UNC13B: variants seen among roughly 807,000 people sequenced by gnomAD.
UNC13B encodes unc-13 homolog B.
In UNC13B, 144 loss-of-function variants were observed where a neutral mutation model predicts 211.0. The observed-to-expected ratio is 0.68, with a 90% CI of 0.60 to 0.78. The LOEUF (loss-of-function observed/expected upper bound fraction) is 0.78, where lower values mean the gene tolerates loss of function less well. Among genes scored for constraint, UNC13B ranks in the 30% least tolerant of loss-of-function variants. The probability of loss-of-function intolerance (pLI) is 0.00; values close to 1 mark genes in which losing one functional copy is unlikely to be tolerated. For missense variants in UNC13B, 1,777 were observed against 2,002.0 expected (o/e 0.89, Z 2.14); for synonymous variants, 709 against 725.8 (o/e 0.98, Z 0.37).
chr9:35,241,596 C>CACACA (rs777824853), intron 5 of UNC13B, among the ~76,000 whole-genome samples: 1 of 136,104 alleles, frequency 7.3e-6, no homozygotes, highest in Admixed American at 7.3e-5. Flanking sequence ...CACACACACA[C>CACACA]CACCATCTTC....
At chr9:35,184,537 G>A (rs1373654771) in intron 1 of UNC13B, among the ~76,000 whole-genome samples, 16 of 152,104 alleles carry the variant, frequency 1.1e-4, no homozygotes, top group Middle Eastern at 3.2e-3. Flanking sequence ...GCGAAACCCC[G>A]TCTCCTCCAA....
chr9:35,352,463 A>T (rs1832775938), intron 11 of UNC13B: 1 of 1,232,124 alleles, frequency 8.1e-7, no homozygotes, highest in South Asian at 4.1e-5. Context: ...GGGTAATAAG[A>T]ATCCCCAGAA....
intron 10 of UNC13B, among the ~76,000 whole-genome samples, chr9:35,311,757 G>C (rs1830189885): frequency 1.3e-5 from 2 of 152,280 alleles, no homozygotes; most frequent in South Asian, 4.1e-4. Flanking sequence ...AGAAAGAATT[G>C]ATCTAGAAGT....
Position 35,297,212 on chromosome 9 carries a change from C to T in UNC13B, c.761+1282C>T, listed in dbSNP as rs553358420. On this transcript the variant is annotated intron_variant, in intron 8 of 39. Transcript: ENST00000635942. The stretch of plus-strand genomic sequence containing the variant: ...CAAGTGATTCTCGTGCCTCAGCCTC[C>T]GGAGTAGCTGAGACTACAGGTGCAC... 1.2e-3 allele frequency among the ~76,000 whole-genome samples: 184 copies of T among 151,654 alleles called. 1 individual carries two copies. Among genetic ancestry groups the T allele is most frequent in the African/African-American group, 3.4e-3 (142 of 41,318 alleles).
At chr9:35,178,134 A>G (rs1028719661) in intron 1 of UNC13B, among the ~76,000 whole-genome samples, 6 of 152,208 alleles carry the variant, frequency 3.9e-5, no homozygotes, top group Non-Finnish European at 7.3e-5. Flanking sequence ...TATACTCAGC[A>G]TCATCATTAT....
chr9:35,234,854 C>G (rs1825405826), intron 3 of UNC13B, among the ~76,000 whole-genome samples: 1 of 152,182 alleles, frequency 6.6e-6, no homozygotes, highest in African/African-American at 2.4e-5. Context: ...ACTTGTGAAT[C>G]TGAGAACATT....
rs1443284844 is a variant in UNC13B at position 35,382,484 on chromosome 9, C to T, written c.10783C>T (p.Arg3595Cys). 14 of 1,613,538 alleles carry T rather than the reference C, an allele frequency of 8.7e-6. No homozygotes were observed. The highest frequency in any genetic ancestry group is 8.3e-5 in the Admixed American group (5 of 59,900). Residue 3595 changes from arginine to cysteine, a missense_variant, in exon 21 of 40, where the codon CGC (arginine) becomes TGC (cysteine). By Grantham distance (180) the Arg-to-Cys change is radical (BLOSUM62 -3). Coordinates refer to ENST00000635942, the MANE Select transcript of UNC13B (RefSeq NM_001371189.2). ...CTCTACCAATGTCTCTGCATCTGAT[C>T]GCTTTGCAGCCTCCAACTTTGGGGT... ...TASTNVSASD[R>C]FAASNFGKER...
chr9:35,204,303 T>C (rs1823512891), intron 1 of UNC13B, among the ~76,000 whole-genome samples: 1 of 152,166 alleles, frequency 6.6e-6, no homozygotes, highest in Non-Finnish European at 1.5e-5. Flanking sequence ...ATGGAGAACC[T>C]CTACTAGTGC....
At chr9:35,399,599 C>A in intron 35 of UNC13B, 50 bp from the exon 36 acceptor site, 1 of 1,609,422 alleles carries the variant, frequency 6.2e-7, no homozygotes, top group Non-Finnish European at 8.5e-7. Flanking sequence ...GGGTGCAAGA[C>A]TTTCATGACT....
chr9:35,363,698 T>C (rs1833581218), intron 11 of UNC13B, among the ~76,000 whole-genome samples: 1 of 152,202 alleles, frequency 6.6e-6, no homozygotes, highest in Admixed American at 6.5e-5. Context: ...GAAGGAAGCC[T>C]GTGGGCCTAT....
At chr9:35,269,224 A>G (rs1281976473) in intron 7 of UNC13B, among the ~76,000 whole-genome samples, 2 of 152,206 alleles carry the variant, frequency 1.3e-5, no homozygotes, top group Non-Finnish European at 2.9e-5. Flanking sequence ...CTCAGGTTCA[A>G]TAATTTGCTA....
At chr9:35,214,925 C>T (rs191671755) in intron 1 of UNC13B, among the ~76,000 whole-genome samples, 69 of 152,178 alleles carry the variant, frequency 4.5e-4, no homozygotes, top group Non-Finnish European at 8.7e-4. Context: ...TTTCTTTCTC[C>T]ACTGCTGTAT....
chr9:35,213,773 C>G (rs1220501672), intron 1 of UNC13B, among the ~76,000 whole-genome samples: 1 of 152,072 alleles, frequency 6.6e-6, no homozygotes, highest in Non-Finnish European at 1.5e-5. Flanking sequence ...GTATTCATAA[C>G]CAGAGGCTTG....
intron 1 of UNC13B, among the ~76,000 whole-genome samples, chr9:35,194,491 G>A (rs1822832309): frequency 6.6e-6 from 1 of 152,160 alleles, no homozygotes; most frequent in Non-Finnish European, 1.5e-5. Context: ...TCCATGAAAG[G>A]AAGCTGGTTC....
At chr9:35,345,816 T>C (rs1044583077) in intron 11 of UNC13B, among the ~76,000 whole-genome samples, 10 of 152,176 alleles carry the variant, frequency 6.6e-5, no homozygotes, top group African/African-American at 2.2e-4. Flanking sequence ...TATGAGGTAT[T>C]GATATGCCCT....
Position 35,306,395 on chromosome 9 carries a change from A to G in UNC13B, c.6991A>G (p.Ile2331Val), listed in dbSNP as rs938786292. The change falls in exon 9 of 40, where the codon ATT becomes GTT. Residue 2331 changes from isoleucine (I) to valine (V), a missense_variant. Transcript: ENST00000635942. The stretch of plus-strand genomic sequence containing the variant: ...CCAGATGAATGAATTGCAAAAAGAC[A>G]TTATTCCTCCTTCACCAGAATTTCA... ...DFQMNELQKD[I>V]IPPSPEFQAQ... The G allele has an allele frequency of 2.5e-6, 1 of 398,890 alleles. No individual in the cohort carries two copies. Among genetic ancestry groups the G allele is most frequent in the African/African-American group, 2.1e-5 (1 of 48,626 alleles). 24.7% of individuals were successfully genotyped at this position (398,890 alleles called of 1,614,324 possible). A position where few individuals can be genotyped will look rare whatever the true frequency, so the allele number is the denominator to read the frequency against.
chr9:35,382,562 AT>A (rs199694785), intron 21 of UNC13B, 55 bp downstream of exon 21: 242,971 of 1,257,824 alleles, frequency 0.19, 113 homozygotes, highest in Middle Eastern at 0.24. Flanking sequence ...ATAAAGTTTG[AT>A]TTTTTTTTTT....
At chr9:35,393,644 T>A (rs977626830) in intron 26 of UNC13B, among the ~76,000 whole-genome samples, 1 of 149,434 alleles carries the variant, frequency 6.7e-6, no homozygotes, top group Non-Finnish European at 1.5e-5. Context: ...TGATTTTGGC[T>A]CACTGCAACC....
rs185813985 is a variant in UNC13B at position 35,240,241 on chromosome 9, G to A, written c.394+2415G>A. On this transcript the variant is annotated intron_variant, in intron 5 of 39. Transcript: ENST00000635942. ...CTCTGTTCAGGGTCCCTGACTTCCC[G>A]CAACAGTATCTTGTTTTAGTTTAGT... 9.2e-5 allele frequency among the ~76,000 whole-genome samples: 14 copies of A among 152,164 alleles called. 1 individual carries two copies. The East Asian group carries it at 1.4e-3, about 15-fold the overall frequency.
Sources: allele counts gnomAD v4.1 joint callset (sites outside exome capture counted in the v4.1 genomes callset), GRCh38; gene constraint gnomAD v4.1.1; transcripts MANE v1.5; gene names NCBI Gene and HGNC (gene_info 2026-07-23, HGNC 2026-07-21).